The following NCOA6 variants were observed in gnomAD, a reference collection of about 807,000 sequenced individuals.
The protein encoded by NCOA6 is nuclear receptor coactivator 6, also known as NRC RAP250.
Under a neutral mutation model 171.4 loss-of-function variants are expected in NCOA6, and 49 were observed. The ratio of observed to expected loss-of-function variants is 0.29; its 90% CI spans 0.23 to 0.36. The LOEUF (loss-of-function observed/expected upper bound fraction) is 0.36. Among genes scored for constraint, NCOA6 ranks in the 10% least tolerant of loss-of-function variants. The probability of loss-of-function intolerance (pLI) is 1.00; values close to 1 mark genes in which losing one functional copy is unlikely to be tolerated. For synonymous variants in NCOA6, 910 were observed against 927.5 expected (o/e 0.98, Z 0.34); for missense variants, 2,248 against 2,554.5 (o/e 0.88, Z 2.59).
intron 14 of NCOA6, among the ~76,000 whole-genome samples, chr20:34,720,950 A>G (rs1022255612): frequency 3.3e-5 from 5 of 151,822 alleles, no homozygotes; most frequent in African/African-American, 1.2e-4. Context: ...CTGAAAAACC[A>G]AAAGAGCTAC....
chr20:34,774,602 G>T (rs1192834801), intron 4 of NCOA6, among the ~76,000 whole-genome samples: 1 of 152,174 alleles, frequency 6.6e-6, no homozygotes, highest in Non-Finnish European at 1.5e-5. Context: ...GAGCAATTAG[G>T]TTCTACGTAA....
rs148943982 is a variant in NCOA6, at chr20:34,716,715, A to G, written c.6149-1350T>C. ...AAGGAGTTCAAGGCTGAAGTGAGCT[A>G]TGTTCATGCCACTGTACTCCAGCCT... is the stretch of plus-strand genomic sequence containing the variant. On this transcript the variant is annotated intron_variant, in intron 14 of 14. Coordinates refer to ENST00000359003, the MANE Select transcript of NCOA6 (RefSeq NM_014071.5). Among the ~76,000 whole-genome samples, 5 of 151,968 alleles carry G rather than the reference A, an allele frequency of 3.3e-5. No homozygotes were observed. The East Asian group carries it at 9.7e-4, about 29-fold the overall frequency.
At chr20:34,809,652 T>C (rs2078586112) in intron 1 of NCOA6, 1 of 389,168 alleles carries the variant, frequency 2.6e-6, no homozygotes, top group South Asian at 1.4e-4. Context: ...TACCACTGTT[T>C]CTGCTAATTT....
At chr20:34,772,045 C>G (rs1286575971) in intron 4 of NCOA6, among the ~76,000 whole-genome samples, 1 of 152,126 alleles carries the variant, frequency 6.6e-6, no homozygotes, top group Non-Finnish European at 1.5e-5. Context: ...CTAATTTAGG[C>G]TAGGCATGGT....
At chr20:34,765,288 T>A (rs959057415) in intron 5 of NCOA6, among the ~76,000 whole-genome samples, 1 of 149,754 alleles carries the variant, frequency 6.7e-6, no homozygotes, top group East Asian at 2.0e-4. Context: ...TCGTCTCTAC[T>A]AAAAATACAA....
intron 12 of NCOA6, 82 bp from the exon 13 acceptor site, chr20:34,732,677 CCCTATTTA>C: frequency 8.1e-7 from 1 of 1,229,350 alleles, no homozygotes; most frequent in Non-Finnish European, 1.2e-6. Flanking sequence ...ATTCTCTATG[CCCTATTTA>C]GGCTAAAGTG....
chr20:34,738,676 G>A (rs756250385), intron 11 of NCOA6, among the ~76,000 whole-genome samples: 9 of 152,248 alleles, frequency 5.9e-5, no homozygotes, highest in Non-Finnish European at 1.0e-4. Context: ...AGAGCTCTGC[G>A]TGAGGCAGTG....
intron 1 of NCOA6, among the ~76,000 whole-genome samples, chr20:34,807,788 G>C (rs940071759): frequency 6.6e-6 from 1 of 151,468 alleles, no homozygotes; most frequent in Non-Finnish European, 1.5e-5. Flanking sequence ...GCCTCCCAAA[G>C]TGCTGGGATT....
rs1241772163 is a variant in NCOA6, at chr20:34,742,853, C to G, written c.3403G>C (p.Ala1135Pro). The G allele has an allele frequency of 6.2e-7, 1 of 1,614,086 alleles. No homozygotes were observed. Among genetic ancestry groups the G allele is most frequent in the Non-Finnish European group, 8.5e-7 (1 of 1,180,030 alleles). The change falls in exon 11 of 15, where the codon GCA (alanine) becomes CCA (proline). Residue 1135 changes from alanine to proline, a missense_variant. Coordinates refer to ENST00000359003, the MANE Select transcript of NCOA6 (RefSeq NM_014071.5). ...PLAEMASLPE[A>P]SGSEAPSVPG... ...ACAGATGGTGCTTCACTGCCACTTGCTTCAGGGAGTGAGGCCATCTCCGCC... is the reference window on the plus strand; with the variant it reads ...ACAGATGGTGCTTCACTGCCACTTGGTTCAGGGAGTGAGGCCATCTCCGCC...
At chr20:34,821,445 T>C (rs1474823866) in intron 1 of NCOA6, 3 of 152,224 alleles carry the variant, frequency 2.0e-5, no homozygotes, top group Non-Finnish European at 4.4e-5. Context: ...CTGTCTTTTA[T>C]GTCTGCTGAC....
chr20:34,718,162 T>G (rs1237063170), intron 14 of NCOA6, among the ~76,000 whole-genome samples: 1 of 152,172 alleles, frequency 6.6e-6, no homozygotes, highest in Non-Finnish European at 1.5e-5. Context: ...CTGTGGTTGG[T>G]GGGGAGAAGG....
At chr20:34,733,591 T>C (rs1024705815) in intron 12 of NCOA6, among the ~76,000 whole-genome samples, 5 of 152,030 alleles carry the variant, frequency 3.3e-5, no homozygotes, top group Admixed American at 3.3e-4. Flanking sequence ...ATAATGCATG[T>C]AGAAATTTTA....
At chr20:34,763,451 G>A (rs2076877670) in intron 5 of NCOA6, among the ~76,000 whole-genome samples, 1 of 152,088 alleles carries the variant, frequency 6.6e-6, no homozygotes. Context: ...ATAGTGTCTT[G>A]TTTTCTTATG....
intron 11 of NCOA6, chr20:34,738,881 C>A (rs1568735611): frequency 2.2e-6 from 1 of 455,904 alleles, no homozygotes; most frequent in Admixed American, 2.3e-5. Context: ...GTTCTTTCTG[C>A]CTCTCCTCCT....
chr20:34,742,306 T>C lies in NCOA6; in HGVS notation c.3950A>G (p.Asn1317Ser). ...ACTTGCCCGTTTTGTTGCTCCAGAA[T>C]TAGACTGCTTTCCAGAATTCACTAC... Reference protein sequence around the residue: ...SVVVNSGKQSNSGATKRASPS... With the variant: ...SVVVNSGKQSSSGATKRASPS... Residue 1317 changes from asparagine (N) to serine (S), a missense_variant, in exon 11 of 15, where the codon AAT (asparagine) becomes AGT (serine). This residue lies in a region of NCOA6 where 884 missense variants were observed against 941.9 expected (regional missense o/e 0.94). Coordinates refer to ENST00000359003, the MANE Select transcript of NCOA6 (RefSeq NM_014071.5). 6.2e-7 allele frequency: 1 copy of C among 1,614,228 alleles called. No individual in the cohort carries two copies. Among genetic ancestry groups the C allele is most frequent in the Non-Finnish European group, 8.5e-7 (1 of 1,180,048 alleles).
intron 1 of NCOA6, among the ~76,000 whole-genome samples, chr20:34,809,268 T>G (rs2078572561): frequency 6.6e-6 from 1 of 152,224 alleles, no homozygotes; most frequent in Non-Finnish European, 1.5e-5. Flanking sequence ...CAGATCTTAT[T>G]TAATTTAGTC....
intron 1 of NCOA6, among the ~76,000 whole-genome samples, chr20:34,804,565 G>A (rs2078379371): frequency 6.6e-6 from 1 of 151,206 alleles, no homozygotes; most frequent in Non-Finnish European, 1.5e-5. Flanking sequence ...AACAGAAGTG[G>A]TTAAACAATT....
intron 14 of NCOA6, among the ~76,000 whole-genome samples, chr20:34,721,255 A>AAAAAAAC (rs1568702838): frequency 6.7e-6 from 1 of 148,508 alleles, no homozygotes; most frequent in African/African-American, 2.5e-5. Flanking sequence ...AAAAAAAAAA[A>AAAAAAAC]AAAAAAAAAA....
At chr20:34,778,958 CAAAAA>C (rs57631874) in intron 3 of NCOA6, among the ~76,000 whole-genome samples, 3 of 46,510 alleles carry the variant, frequency 6.5e-5, no homozygotes, top group African/African-American at 2.5e-4. Context: ...GACTCCGTTT[CAAAAA>C]AAAAAAAAAA....
Sources: gnomAD v4.1 joint callset for allele counts (sites outside exome capture counted in the v4.1 genomes callset) on GRCh38, gnomAD v4.1.1 for gene constraint, gnomAD v4.1.1 regional missense constraint, MANE v1.5 for transcripts, NCBI Gene and HGNC (gene_info 2026-07-23, HGNC 2026-07-21) for gene names.